Variants in SCYL1 observed in about 807,000 individuals in gnomAD.
The protein encoded by SCYL1 is N-terminal kinase-like protein.
In SCYL1, 85 loss-of-function variants were observed where a neutral mutation model predicts 94.8. The observed-to-expected ratio is 0.90, with a 90% CI of 0.75 to 1.07. SCYL1 has a LOEUF of 1.07. SCYL1 is among the 50% of genes least tolerant of loss of function. SCYL1 has a pLI of 0.00. For missense variants in SCYL1, 968 were observed against 1,083.3 expected, an observed-to-expected ratio of 0.89 and a Z score of 1.49; for synonymous variants, 459 against 435.5, an observed-to-expected ratio of 1.05 and a Z score of -0.67.
rs771227874 is a variant in SCYL1 at position 65,535,297 on chromosome 11, G to C, written c.1301G>C (p.Arg434Pro). The C allele has an allele frequency of 6.2e-7, 1 of 1,614,222 alleles. No individual in the cohort carries two copies. The highest frequency in any genetic ancestry group is 8.5e-7 in the Non-Finnish European group (1 of 1,180,030). Reference protein sequence around the residue: ...LNVELMKHFARLQAKDEQGPI... With the variant: ...LNVELMKHFAPLQAKDEQGPI... Reference sequence around the variant, plus strand: ...GTGGAGCTGATGAAGCACTTTGCACGGCTACAGGCCAAGGATGAACAGGGC... The same window carrying C: ...GTGGAGCTGATGAAGCACTTTGCACCGCTACAGGCCAAGGATGAACAGGGC... Residue 434 changes from arginine to proline, a missense_variant, in exon 10 of 18, where the codon CGG (arginine) becomes CCG (proline). Around this residue, in one of 2 missense-constraint regions of SCYL1, gnomAD observed 494 missense variants for 619.7 expected, o/e 0.80. Coordinates refer to ENST00000270176, the MANE Select transcript of SCYL1 (RefSeq NM_020680.4).
At position 65,526,370 on chromosome 11, in the gene SCYL1, G is replaced by A. The variant is rs773552367; in HGVS notation, c.602+20G>A. The A allele has an allele frequency of 1.4e-5, 22 of 1,568,426 alleles. No homozygotes were observed. Among genetic ancestry groups the A allele is most frequent in the Middle Eastern group, 1.7e-4 (1 of 5,892 alleles). On this transcript the variant is annotated intron_variant, in intron 4 of 17. Transcript: ENST00000270176. The surrounding 1 kb of genome is among the most constrained non-coding windows in gnomAD (Gnocchi z 4.1). The stretch of plus-strand genomic sequence containing the variant: ...GAAGTGGTGGGTGACTGGGGGCAGC[G>A]CGCCCCAACCTGCCCTGTCCTGGAG...
Position 65,531,462 on chromosome 11 carries a change from C to G in SCYL1, c.1009-114C>G, listed in dbSNP as rs3814753. On this transcript the variant is annotated intron_variant, in intron 7 of 17. Transcript: ENST00000270176. ...AGCTACTGAGGAAATGCCTGCCCCC[C>G]CCTCCGCCATCACTTCATTCCCACC... 1.2e-4 allele frequency: 91 copies of G among 743,992 alleles called. 2 individuals carry two copies. The highest frequency in any genetic ancestry group is 4.7e-4 in the South Asian group (30 of 63,436). The allele number at this position is 743,992 out of a possible 1,614,324, so 46.1% of individuals were successfully genotyped here.
Position 65,538,181 on chromosome 11 carries a change from A to G in SCYL1, c.2246A>G (p.Gln749Arg). 6.3e-7 allele frequency: 1 copy of G among 1,581,248 alleles called. No individual in the cohort carries two copies. The highest frequency in any genetic ancestry group is 2.3e-5 in the East Asian group (1 of 43,174). The change falls in exon 16 of 18, where the codon CAG (glutamine) becomes CGG (arginine). Residue 749 changes from glutamine (Q) to arginine (R), a missense_variant and splice_region_variant. This residue lies in a region of SCYL1 where 474 missense variants were observed against 463.6 expected (regional missense o/e 1.02). Coordinates refer to ENST00000270176, the MANE Select transcript of SCYL1 (RefSeq NM_020680.4). ...ACCCTGTCTGCACGTCCCAGCACCC[A>G]GGTACCCAGCACAGGTCTGGCGAGA... ...FATLSARPST[Q>R]PRPDSWGEDN...
At chr11:65,532,902 C>A in intron 9 of SCYL1, 97 bp downstream of exon 9, 8 of 858,522 alleles carry the variant, frequency 9.3e-6, no homozygotes, top group Non-Finnish European at 1.5e-5. Flanking sequence ...CCCATGGGTC[C>A]AAGCAGACAC....
At position 65,526,315 on chromosome 11, in the gene SCYL1, G is replaced by A. The variant is rs1565068078; in HGVS notation, c.567G>A (p.Leu189=). Residue 189 remains leucine, a synonymous_variant, in exon 4 of 18, where the codon TTG becomes TTA. Coordinates refer to ENST00000270176, the MANE Select transcript of SCYL1 (RefSeq NM_020680.4). This position sits in a 1 kb window ranked among gnomAD's most constrained non-coding sequence, Gnocchi z 4.1. The stretch of plus-strand genomic sequence containing the variant: ...TTGAGCAGTATGACCCCCCGGAGTT[G>A]GCTGACAGCAGTGGCAGAGTGGTCA... The part of the protein sequence containing the change: ...PELEQYDPPE[L]ADSSGRVVRE... The A allele has an allele frequency of 1.9e-6, 3 of 1,608,004 alleles. No homozygotes were observed. Among genetic ancestry groups the A allele is most frequent in the African/African-American group, 1.3e-5 (1 of 74,974 alleles).
rs926717873 is a variant in SCYL1, at chr11:65,538,272, G to A, written c.2250G>A (p.Pro750=). 4 of 1,553,302 alleles carry A rather than the reference G, an allele frequency of 2.6e-6. No homozygotes were observed. Among genetic ancestry groups the A allele is most frequent in the Middle Eastern group, 1.7e-4 (1 of 6,008 alleles). The change falls in exon 17 of 18, where the codon CCG becomes CCA. Residue 750 remains proline (P), a splice_region_variant and synonymous_variant. Coordinates refer to ENST00000270176, the MANE Select transcript of SCYL1 (RefSeq NM_020680.4). ...GCAGCCCACACTTCTCTTTACAGCC[G>A]AGGCCAGACTCTTGGGGTGAGGACA... ...ATLSARPSTQ[P]RPDSWGEDNW... is the part of the protein sequence containing the mutation.
At chr11:65,529,475 C>G (rs1021916492) in intron 6 of SCYL1, among the ~76,000 whole-genome samples, 2 of 152,214 alleles carry the variant, frequency 1.3e-5, no homozygotes, top group Admixed American at 1.3e-4. Context: ...CTGCTACTCT[C>G]TTGATGTATG....
Position 65,526,111 on chromosome 11 carries a change from C to A in SCYL1, c.376-13C>A. ...TGCAGGTGCTGGGGCGTGATGGCTC[C>A]TTTTGCCCCCAGAAAGCCCTCAGCT... On this transcript the variant is annotated splice_polypyrimidine_tract_variant and intron_variant, in intron 3 of 17. Coordinates refer to ENST00000270176, the MANE Select transcript of SCYL1 (RefSeq NM_020680.4). This position sits in a 1 kb window ranked among gnomAD's most constrained non-coding sequence, Gnocchi z 4.1. 1 of 1,612,716 alleles carries A rather than the reference C, an allele frequency of 6.2e-7. No homozygotes were observed.
In SCYL1 at chr11:65,538,437, G is replaced by A. The variant is rs1428350447; in HGVS notation, c.2303-5G>A. The A allele has an allele frequency of 2.6e-6, 4 of 1,553,324 alleles. No homozygotes were observed. Among genetic ancestry groups the A allele is most frequent in the Non-Finnish European group, 3.5e-6 (4 of 1,150,190 alleles). On this transcript the variant is annotated splice_region_variant and splice_polypyrimidine_tract_variant and intron_variant, in intron 17 of 17. Coordinates refer to ENST00000270176, the MANE Select transcript of SCYL1 (RefSeq NM_020680.4). ...TGAGACCGGGGCTCCCCTTCCTGACGCCAGGACAGGTCAAGGCTGAGCTGG... is the reference window on the plus strand; with the variant it reads ...TGAGACCGGGGCTCCCCTTCCTGACACCAGGACAGGTCAAGGCTGAGCTGG...
rs556283654 is a variant in SCYL1 at position 65,532,717 on chromosome 11, A to G, written c.1142A>G (p.Asp381Gly). Residue 381 changes from aspartate (D) to glycine (G), a missense_variant, in exon 9 of 18, where the codon GAC (aspartate) becomes GGC (glycine). This residue lies in a region of SCYL1 where 494 missense variants were observed against 619.7 expected (regional missense o/e 0.80). Coordinates refer to ENST00000270176, the MANE Select transcript of SCYL1 (RefSeq NM_020680.4). ...ATGGAGCAGTTCATCCAGTACCTTG[A>G]CGAGCCAACAGTCAACACCCAGATC... ...QQMEQFIQYL[D>G]EPTVNTQIFP... 1.3e-4 allele frequency: 205 copies of G among 1,614,036 alleles called. 1 individual carries two copies. In the South Asian group the frequency reaches 2.1e-3, roughly 17 times the overall value.
At chr11:65,535,205 C>A in intron 9 of SCYL1, 22 bp from the exon 10 acceptor site, 1 of 1,610,456 alleles carries the variant, frequency 6.2e-7, no homozygotes. Flanking sequence ...GCCCACAGTT[C>A]CCACTCATTT....
chr11:65,533,065 C>T lies in SCYL1; in HGVS notation c.1230+260C>T, dbSNP rs116905338. 199 of 444,932 alleles carry T rather than the reference C, an allele frequency of 4.5e-4. 2 individuals carry two copies. The East Asian group carries it at 7.6e-3, about 17-fold the overall frequency. The allele number at this position is 444,932 out of a possible 1,614,324, so 27.6% of individuals were successfully genotyped here. ...CATGAGGTGCCCAGCCCCCTGCACT[C>T]ATGGAGCTTCCTTTCCAGGGCACAG... On this transcript the variant is annotated intron_variant, in intron 9 of 17. Transcript: ENST00000270176.
At chr11:65,530,868 G>A (rs900342207) in intron 7 of SCYL1, 81 bp downstream of exon 7, 28 of 1,479,916 alleles carry the variant, frequency 1.9e-5, no homozygotes, top group Middle Eastern at 2.3e-4. Context: ...AGGGCAGGCT[G>A]TTTAGGGCAG....
At position 65,536,346 on chromosome 11, in the gene SCYL1, A is replaced by G; in HGVS notation, c.1651+12A>G. ...GCTGGAGGAAGTGGGTGAGTGGCTT[A>G]CACTCGTGTTCCCTCTTTCCCTGCC... On this transcript the variant is annotated intron_variant, in intron 12 of 17. Coordinates refer to ENST00000270176, the MANE Select transcript of SCYL1 (RefSeq NM_020680.4). 1 of 1,612,708 alleles carries G rather than the reference A, an allele frequency of 6.2e-7. No homozygotes were observed. The highest frequency in any genetic ancestry group is 8.5e-7 in the Non-Finnish European group (1 of 1,178,772).
chr11:65,528,455 A>G (rs1454275464), intron 6 of SCYL1, among the ~76,000 whole-genome samples: 1 of 150,506 alleles, frequency 6.6e-6, no homozygotes, highest in Non-Finnish European at 1.5e-5. Context: ...AACAAACAAA[A>G]GAACACCATA....
At chr11:65,531,744 A>G (rs1590732358) in intron 8 of SCYL1, 61 bp downstream of exon 8, 1 of 1,281,340 alleles carries the variant, frequency 7.8e-7, no homozygotes, top group Non-Finnish European at 1.1e-6. Context: ...GTGGCTGGGG[A>G]GGCACCTGCC....
Position 65,537,964 on chromosome 11 carries a change from C to T in SCYL1, c.2032-3C>T. 3 of 1,608,632 alleles carry T rather than the reference C, an allele frequency of 1.9e-6. No individual in the cohort carries two copies. Among genetic ancestry groups the T allele is most frequent in the South Asian group, 2.2e-5 (2 of 90,160 alleles). ...GCTACTTCCCCCTCCCGCTCTTCTA[C>T]AGGTCAGCAACTCCGACCACAAATC... is the stretch of plus-strand genomic sequence containing the variant. On this transcript the variant is annotated splice_region_variant and splice_polypyrimidine_tract_variant and intron_variant, in intron 15 of 17. Coordinates refer to ENST00000270176, the MANE Select transcript of SCYL1 (RefSeq NM_020680.4).
chr11:65,537,384 C>T (rs369707294), intron 14 of SCYL1, among the ~76,000 whole-genome samples: 12 of 152,316 alleles, frequency 7.9e-5, no homozygotes, highest in African/African-American at 2.2e-4. Flanking sequence ...TTACCCACAC[C>T]GTCCCCCTTT....
rs999107544 is a variant in SCYL1, at chr11:65,526,543, C to T, written c.602+193C>T. Among the ~76,000 whole-genome samples, 4 of 152,138 alleles carry T rather than the reference C, an allele frequency of 2.6e-5. No homozygotes were observed. The South Asian group carries it at 6.2e-4, about 24-fold the overall frequency. ...GGTAGGGCGGGATGGACACAGCATTCGGGGTTGGGTGATTCTGAACTTGAA... is the reference window on the plus strand; with the variant it reads ...GGTAGGGCGGGATGGACACAGCATTTGGGGTTGGGTGATTCTGAACTTGAA... On this transcript the variant is annotated intron_variant, in intron 4 of 17. Coordinates refer to ENST00000270176, the MANE Select transcript of SCYL1 (RefSeq NM_020680.4). The surrounding 1 kb of genome is among the most constrained non-coding windows in gnomAD (Gnocchi z 4.1).
Sources: allele counts gnomAD v4.1 joint callset (sites outside exome capture counted in the v4.1 genomes callset), GRCh38; gene constraint gnomAD v4.1.1; regional missense constraint gnomAD v4.1.1; non-coding constraint Gnocchi (gnomAD v3.1); transcripts MANE v1.5; gene names NCBI Gene and HGNC (gene_info 2026-07-23, HGNC 2026-07-21).